MEI4: variants seen among roughly 807,000 people sequenced by gnomAD.
MEI4 encodes meiosis-specific protein MEI4.
In MEI4, 27 loss-of-function variants were observed where a neutral mutation model predicts 31.4. The ratio of observed to expected loss-of-function variants is 0.86; its 90% CI spans 0.63 to 1.19. MEI4 has a LOEUF of 1.19. Ranked by LOEUF, MEI4 falls within the 50% of genes most tolerant of loss-of-function variation. The pLI is 0.00. For synonymous variants in MEI4, 122 were observed against 145.4 expected, an observed-to-expected ratio of 0.84 and a Z score of 1.16; for missense variants, 329 against 398.9, an observed-to-expected ratio of 0.82 and a Z score of 1.49.
chr6:77,733,053 A>G (rs1024858297), intron 2 of MEI4, among the ~76,000 whole-genome samples: 116 of 152,020 alleles, frequency 7.6e-4, no homozygotes, highest in Non-Finnish European at 1.1e-3. Context: ...GGATTTTTGC[A>G]TCAATGTTCA....
chr6:77,895,333 C>T (rs556030856), intron 4 of MEI4, among the ~76,000 whole-genome samples: 5 of 152,092 alleles, frequency 3.3e-5, no homozygotes, highest in Admixed American at 6.6e-5. Flanking sequence ...CAGAGATTAA[C>T]GACACCTCTC....
At chr6:77,728,837 G>A (rs1183894144) in intron 2 of MEI4, among the ~76,000 whole-genome samples, 1 of 152,158 alleles carries the variant, frequency 6.6e-6, no homozygotes, top group Non-Finnish European at 1.5e-5. Flanking sequence ...TGTTCCAGTG[G>A]GTAGGACTTT....
chr6:77,674,755 G>A (rs1399344623), intron 1 of MEI4, among the ~76,000 whole-genome samples: 1 of 151,866 alleles, frequency 6.6e-6, no homozygotes, highest in Non-Finnish European at 1.5e-5. Context: ...AAAAATAATA[G>A]ATCTTTACAA....
At position 77,895,598 on chromosome 6, in the gene MEI4, T is replaced by C. The variant is rs1282707646; in HGVS notation, c.901-27491T>C. On this transcript the variant is annotated intron_variant, in intron 4 of 4. Transcript: ENST00000684080. ...TATGACTATTCCCTTTAGAGTTCTTTTATACAGCATGCTCTCTGCATTGCC... is the reference window on the plus strand; with the variant it reads ...TATGACTATTCCCTTTAGAGTTCTTCTATACAGCATGCTCTCTGCATTGCC... Among the ~76,000 whole-genome samples, 2 of 152,168 alleles carry C rather than the reference T, an allele frequency of 1.3e-5. 1 individual carries two copies. Among genetic ancestry groups the C allele is most frequent in the Admixed American group, 1.3e-4 (2 of 15,264 alleles).
intron 3 of MEI4, among the ~76,000 whole-genome samples, chr6:77,777,291 T>A (rs1033862528): frequency 6.6e-6 from 1 of 152,136 alleles, no homozygotes; most frequent in African/African-American, 2.4e-5. Context: ...ATTAACTAAC[T>A]TAACACAGTA....
chr6:77,858,126 T>A (rs185899960), intron 4 of MEI4, among the ~76,000 whole-genome samples: 67 of 152,314 alleles, frequency 4.4e-4, no homozygotes, highest in African/African-American at 1.6e-3. Flanking sequence ...TAGTTTCAGT[T>A]ATCTAACAGA....
At chr6:77,726,664 C>A (rs1208970652) in intron 2 of MEI4, among the ~76,000 whole-genome samples, 1 of 152,058 alleles carries the variant, frequency 6.6e-6, no homozygotes, top group African/African-American at 2.4e-5. Context: ...GGTGTAAAAT[C>A]TACACCAGTT....
intron 4 of MEI4, among the ~76,000 whole-genome samples, chr6:77,833,743 C>A (rs986157426): frequency 1.3e-5 from 2 of 152,056 alleles, no homozygotes; most frequent in African/African-American, 4.8e-5. Context: ...AGGTTTTAAG[C>A]CCCGCATGCA....
At chr6:77,663,616 G>A (rs980871023) in intron 1 of MEI4, among the ~76,000 whole-genome samples, 12 of 152,304 alleles carry the variant, frequency 7.9e-5, no homozygotes, top group African/African-American at 2.4e-4. Context: ...GGAGTTTTAA[G>A]AAGTTTAGAA....
At chr6:77,704,538 T>G (rs1351873372) in intron 2 of MEI4, among the ~76,000 whole-genome samples, 1 of 152,184 alleles carries the variant, frequency 6.6e-6, no homozygotes, top group Non-Finnish European at 1.5e-5. Flanking sequence ...ACAAGCTGCA[T>G]GAGCATCAGG....
intron 4 of MEI4, 110 bp downstream of exon 4, chr6:77,829,172 A>T (rs897273836): frequency 1.3e-6 from 1 of 773,812 alleles, no homozygotes; most frequent in African/African-American, 1.8e-5. Context: ...TTTAGTTATT[A>T]CCTTATGTCT....
intron 3 of MEI4, among the ~76,000 whole-genome samples, chr6:77,788,731 C>T (rs1768825212): frequency 6.6e-6 from 1 of 152,076 alleles, no homozygotes; most frequent in African/African-American, 2.4e-5. Flanking sequence ...GAACTACAAA[C>T]CACTGCTCAA....
chr6:77,818,281 T>C lies in MEI4; in HGVS notation c.769-10650T>C, dbSNP rs1769735721. Among the ~76,000 whole-genome samples the C allele has an allele frequency of 2.6e-5, 4 of 152,152 alleles. No homozygotes were observed. In the South Asian group the frequency reaches 8.3e-4, roughly 31 times the overall value. ...GTTTTAGATTATATCTGAAAAGTAG[T>C]AGAGAATCTTTCAAAATAGAAGCCC... On this transcript the variant is annotated intron_variant, in intron 3 of 4. Transcript: ENST00000684080.
At chr6:77,792,955 G>T (rs988612211) in intron 3 of MEI4, among the ~76,000 whole-genome samples, 10 of 151,872 alleles carry the variant, frequency 6.6e-5, no homozygotes, top group Non-Finnish European at 1.3e-4. Context: ...CTCGTGATCC[G>T]CCTGCCTCAG....
intron 3 of MEI4, among the ~76,000 whole-genome samples, chr6:77,787,130 T>C (rs1322822699): frequency 6.6e-6 from 1 of 151,850 alleles, no homozygotes; most frequent in African/African-American, 2.4e-5. Context: ...GAGGCAGATA[T>C]GCAGACTTTG....
chr6:77,696,286 A>T (rs1055088504), intron 2 of MEI4, among the ~76,000 whole-genome samples: 15 of 152,170 alleles, frequency 9.9e-5, no homozygotes, highest in African/African-American at 3.6e-4. Flanking sequence ...TCCTGGACAG[A>T]ACTTCCAACA....
At chr6:77,766,336 A>G (rs914797548) in intron 3 of MEI4, among the ~76,000 whole-genome samples, 10 of 152,258 alleles carry the variant, frequency 6.6e-5, no homozygotes, top group Non-Finnish European at 1.3e-4. Flanking sequence ...TTTTGCTTCA[A>G]TCACAGTGAT....
chr6:77,922,639 A>G (rs1766730938), intron 4 of MEI4, among the ~76,000 whole-genome samples: 1 of 151,698 alleles, frequency 6.6e-6, no homozygotes, highest in African/African-American at 2.4e-5. Context: ...GTTGAGTTGT[A>G]TCAGGAAGAT....
chr6:77,914,389 T>C (rs1214875571), intron 4 of MEI4, among the ~76,000 whole-genome samples: 2 of 152,112 alleles, frequency 1.3e-5, no homozygotes, highest in African/African-American at 2.4e-5. Flanking sequence ...TTTGAATGTA[T>C]TTGTACAGTT....
Sources: allele counts gnomAD v4.1 joint callset (sites outside exome capture counted in the v4.1 genomes callset), GRCh38; gene constraint gnomAD v4.1.1; transcripts MANE v1.5; gene names NCBI Gene and HGNC (gene_info 2026-07-23, HGNC 2026-07-21).